TCF12: variants seen among roughly 807,000 people sequenced by gnomAD.
TCF12 encodes the protein transcription factor 12.
Under a neutral mutation model 86.0 loss-of-function variants are expected in TCF12, and 45 were observed. The observed-to-expected ratio is 0.52, with a 90% CI of 0.41 to 0.67. The LOEUF (loss-of-function observed/expected upper bound fraction) is 0.67, where lower values mean the gene tolerates loss of function less well. Ranked by LOEUF, TCF12 falls within the 30% of genes least tolerant of loss-of-function variation. The pLI is 0.00. For synonymous variants in TCF12, 330 were observed against 299.6 expected (o/e 1.10, Z -1.05); for missense variants, 881 against 859.9 (o/e 1.02, Z -0.31).
intron 4 of TCF12, among the ~76,000 whole-genome samples, chr15:57,080,989 C>T (rs2070592482): frequency 6.6e-6 from 1 of 152,124 alleles, no homozygotes; most frequent in South Asian, 2.1e-4. Context: ...AAAATGTCTG[C>T]AGTAGATGTT....
Position 57,064,795 on chromosome 15 carries a change from C to CAAAA in TCF12, c.222+987_222+990dup, listed in dbSNP as rs1177544594. Reference sequence around the variant, plus strand: ...TGGGCCACAGAGTGAGACTCCATCTCAAAAAAAAAAAAAAAAAAGAGAGAG... The same window carrying CAAAA: ...TGGGCCACAGAGTGAGACTCCATCTCAAAAAAAAAAAAAAAAAAAAAAGAGAGAG... On this transcript the variant is annotated intron_variant, in intron 4 of 20. Coordinates refer to ENST00000333725, the MANE Select transcript of TCF12 (RefSeq NM_207037.2). Among the ~76,000 whole-genome samples the CAAAA allele has an allele frequency of 2.1e-3, 165 of 78,034 alleles. 5 individuals are homozygous for CAAAA. The highest frequency in any genetic ancestry group is 0.011 in the African/African-American group (148 of 13,694). 51.2% of individuals were successfully genotyped at this position (78,034 alleles called of 152,430 possible).
intron 8 of TCF12, among the ~76,000 whole-genome samples, chr15:57,202,127 A>G (rs2057571507): frequency 6.6e-6 from 1 of 152,196 alleles, no homozygotes; most frequent in East Asian, 1.9e-4. Context: ...CTACTTACAA[A>G]TAAGAAAATT....
At chr15:56,998,316 G>C (rs2063820863) in intron 3 of TCF12, among the ~76,000 whole-genome samples, 1 of 152,008 alleles carries the variant, frequency 6.6e-6, no homozygotes, top group African/African-American at 2.4e-5. Flanking sequence ...AATTAGTTGG[G>C]TGTGGTAGCA....
In TCF12 at chr15:57,064,873, C is replaced by T. The variant is rs569151944; in HGVS notation, c.222+1050C>T. On this transcript the variant is annotated intron_variant, in intron 4 of 20. Coordinates refer to ENST00000333725, the MANE Select transcript of TCF12 (RefSeq NM_207037.2). Reference sequence around the variant, plus strand: ...CTTTAAGTGAATAAATTTCTCATTTCTCTCAGAATTAACCAAGAGAAGAAA... The same window carrying T: ...CTTTAAGTGAATAAATTTCTCATTTTTCTCAGAATTAACCAAGAGAAGAAA... Among the ~76,000 whole-genome samples, 5 of 149,790 alleles carry T rather than the reference C, an allele frequency of 3.3e-5. No homozygotes were observed. The South Asian group carries it at 1.1e-3, about 32-fold the overall frequency.
chr15:57,047,526 A>C (rs2067313463), intron 3 of TCF12, among the ~76,000 whole-genome samples: 3 of 152,228 alleles, frequency 2.0e-5, no homozygotes, highest in Admixed American at 1.3e-4. Context: ...ATGAGCAAAA[A>C]TTGGTTGACT....
chr15:56,961,947 G>A (rs879441614), intron 3 of TCF12, among the ~76,000 whole-genome samples: 4 of 151,690 alleles, frequency 2.6e-5, no homozygotes, highest in South Asian at 2.1e-4. Flanking sequence ...TCGAGACCAC[G>A]GTGAAACCCC....
rs924868264 is a variant in TCF12, at chr15:57,286,426, C to G, written c.*281C>G. On this transcript the variant is annotated 3_prime_UTR_variant, in exon 21 of 21. Transcript: ENST00000333725. ...AAGCAGTGTGTCGCTTCTGCACAAT[C>G]AGAGACTGTCTCGATCTCTCCACTC... 2 of 327,890 alleles carry G rather than the reference C, an allele frequency of 6.1e-6. No homozygotes were observed. The highest frequency in any genetic ancestry group is 4.3e-5 in the African/African-American group (2 of 46,148). The allele number at this position is 327,890 out of a possible 1,614,324, so 20.3% of individuals were successfully genotyped here. A position where few individuals can be genotyped will look rare whatever the true frequency, so the allele number is the denominator to read the frequency against.
intron 3 of TCF12, among the ~76,000 whole-genome samples, chr15:57,014,442 CCTT>C (rs772912717): frequency 5.9e-5 from 9 of 151,972 alleles, no homozygotes; most frequent in Admixed American, 2.0e-4. Flanking sequence ...AAATTTCTGA[CCTT>C]CTCTCATTTC....
At chr15:57,105,207 A>T (rs1298208627) in intron 5 of TCF12, among the ~76,000 whole-genome samples, 1 of 151,870 alleles carries the variant, frequency 6.6e-6, no homozygotes, top group African/African-American at 2.4e-5. Context: ...TAATGTGTAT[A>T]TGCTGTTTAG....
intron 5 of TCF12, chr15:57,092,121 G>A (rs571183112): frequency 4.7e-5 from 18 of 381,810 alleles, no homozygotes; most frequent in African/African-American, 3.5e-4. Flanking sequence ...AAGTGGCAGT[G>A]TTTTGATTGT....
At chr15:56,997,694 A>T (rs1164986509) in intron 3 of TCF12, among the ~76,000 whole-genome samples, 1 of 152,226 alleles carries the variant, frequency 6.6e-6, no homozygotes, top group Non-Finnish European at 1.5e-5. Flanking sequence ...GAAAACAAAT[A>T]ATAAAATGGT....
intron 3 of TCF12, among the ~76,000 whole-genome samples, chr15:57,018,488 G>A (rs2065280378): frequency 1.3e-5 from 2 of 150,838 alleles, no homozygotes; most frequent in Admixed American, 1.3e-4. Flanking sequence ...TTTGAGATGG[G>A]GCCTAGCTCT....
chr15:57,135,200 G>C (rs188804694), intron 5 of TCF12, among the ~76,000 whole-genome samples: 1 of 152,154 alleles, frequency 6.6e-6, no homozygotes, highest in East Asian at 1.9e-4. Flanking sequence ...TTGTAGTATG[G>C]GATGCAACAA....
At position 57,007,717 on chromosome 15, in the gene TCF12, C is replaced by T. The variant is rs550798502; in HGVS notation, c.149-56033C>T. 2.6e-3 allele frequency among the ~76,000 whole-genome samples: 390 copies of T among 152,182 alleles called. 1 individual carries two copies. The highest frequency in any genetic ancestry group is 9.1e-3 in the African/African-American group (376 of 41,530). On this transcript the variant is annotated intron_variant, in intron 3 of 20. Coordinates refer to ENST00000333725, the MANE Select transcript of TCF12 (RefSeq NM_207037.2). ...ATGCCGACAGATTGAGAAATACCTT[C>T]TGAAAACTCAAGGAAAATGATGTAA...
intron 3 of TCF12, among the ~76,000 whole-genome samples, chr15:56,933,160 G>T (rs901787187): frequency 6.6e-6 from 1 of 152,148 alleles, no homozygotes; most frequent in Middle Eastern, 3.2e-3. Flanking sequence ...CTTTTTCAAA[G>T]ATTTAGTGTT....
At chr15:56,996,890 C>T (rs1043311604) in intron 3 of TCF12, among the ~76,000 whole-genome samples, 1 of 152,178 alleles carries the variant, frequency 6.6e-6, no homozygotes, top group South Asian at 2.1e-4. Context: ...AATCACTAAT[C>T]GTCAGAGAAA....
intron 15 of TCF12, among the ~76,000 whole-genome samples, chr15:57,252,762 T>C (rs1437992891): frequency 6.6e-6 from 1 of 152,174 alleles, no homozygotes; most frequent in East Asian, 1.9e-4. Context: ...AGACAGACAA[T>C]ACCATTTATT....
rs111426051 is a variant in TCF12, at chr15:57,115,837, G to A, written c.325+23946G>A. Among the ~76,000 whole-genome samples, 121 of 129,532 alleles carry A rather than the reference G, an allele frequency of 9.3e-4. 4 individuals are homozygous for A. Among genetic ancestry groups the A allele is most frequent in the African/African-American group, 3.8e-3 (119 of 31,388 alleles). 85.0% of individuals were successfully genotyped at this position (129,532 alleles called of 152,430 possible). On this transcript the variant is annotated intron_variant, in intron 5 of 20. Transcript: ENST00000333725. ...AAAGAGTTTAGCACCCTAAGCACCA[G>A]GTAAGCAGAGAGATGCTAGGCAATA...
intron 6 of TCF12, among the ~76,000 whole-genome samples, chr15:57,189,354 A>G (rs2056857525): frequency 6.6e-6 from 1 of 152,208 alleles, no homozygotes; most frequent in African/African-American, 2.4e-5. Context: ...TGATAAGCCT[A>G]GTATCCAGAA....
Sources: allele counts gnomAD v4.1 joint callset (sites outside exome capture counted in the v4.1 genomes callset), GRCh38; gene constraint gnomAD v4.1.1; transcripts MANE v1.5; gene names NCBI Gene and HGNC (gene_info 2026-07-23, HGNC 2026-07-21).